Variants in MOB1B observed in about 807,000 individuals in gnomAD.
MOB1B encodes MOB1 Mps One Binder homolog B.
In MOB1B, 19 loss-of-function variants were observed where a neutral mutation model predicts 24.4. The ratio of observed to expected loss-of-function variants is 0.78; its 90% confidence interval spans 0.54 to 1.14. MOB1B has a LOEUF of 1.14. MOB1B is among the 50% of genes most tolerant of loss of function. The pLI is 0.00. For missense variants in MOB1B, 243 were observed against 259.6 expected (o/e 0.94, Z 0.44); for synonymous variants, 76 against 82.1 (o/e 0.93, Z 0.40).
intron 4 of MOB1B, chr4:70,975,829 A>G (rs561741904): frequency 2.8e-5 from 25 of 895,926 alleles, no homozygotes; most frequent in South Asian, 1.0e-4. Flanking sequence ...CAGGTGTTCT[A>G]TGTTTTTCAT....
At chr4:70,901,871 G>A (rs1478374871), upstream of MOB1B, among the ~76,000 whole-genome samples, 1 of 152,134 alleles carries the variant, frequency 6.6e-6, no homozygotes, top group African/African-American at 2.4e-5. Context: ...ATGCTTACAA[G>A]CTTTGGCCCC....
chr4:70,964,491 A>G (rs140793715), intron 2 of MOB1B, among the ~76,000 whole-genome samples: 1 of 152,362 alleles, frequency 6.6e-6, no homozygotes, highest in East Asian at 1.9e-4. Flanking sequence ...CTTGTGGGAT[A>G]TATTATAGCT....
In MOB1B at chr4:70,960,635, GTTA is replaced by G. The variant is rs553541922; in HGVS notation, c.181+1603_181+1605del. 1.5e-4 allele frequency among the ~76,000 whole-genome samples: 23 copies of G among 152,254 alleles called. No individual in the cohort carries two copies. In the South Asian group the frequency reaches 4.6e-3, roughly 30 times the overall value. On this transcript the variant is annotated intron_variant, in intron 2 of 5. Transcript: ENST00000309395. The stretch of plus-strand genomic sequence containing the variant: ...ATGACAGCATTTACACAAGAGCCAT[GTTA>G]TTATTATGTGATTATCCTCCTGGAC...
chr4:70,903,988 T>TTC, intron 1 of MOB1B, among the ~76,000 whole-genome samples: 1 of 133,992 alleles, frequency 7.5e-6, no homozygotes, highest in African/African-American at 2.8e-5. Context: ...TTTTTTTTTT[T>TTC]TTTTTTTTTT....
intron 1 of MOB1B, among the ~76,000 whole-genome samples, chr4:70,909,828 G>A (rs1406553438): frequency 1.3e-5 from 2 of 151,974 alleles, no homozygotes; most frequent in Non-Finnish European, 2.9e-5. Flanking sequence ...ATGGGTTCAA[G>A]CAGTTCTCCC....
intron 1 of MOB1B, among the ~76,000 whole-genome samples, chr4:70,930,211 G>C (rs1578361670): frequency 6.6e-6 from 1 of 151,488 alleles, no homozygotes; most frequent in South Asian, 2.1e-4. Context: ...TTGTTTCTTA[G>C]TTTTTTTTTG....
chr4:70,979,220 G>C lies in MOB1B; in HGVS notation c.502G>C (p.Asp168His). Reference sequence around the variant, plus strand: ...TGCTCACATTTATCATCAGCATTTTGACCCTGTGATCCAGCTTCAGGAGGA... The same window carrying C: ...TGCTCACATTTATCATCAGCATTTTCACCCTGTGATCCAGCTTCAGGAGGA... ...VYAHIYHQHF[D>H]PVIQLQEEAH... is the part of the protein sequence containing the mutation. Residue 168 changes from aspartate to histidine, a missense_variant, in exon 5 of 6, where the codon GAC becomes CAC. Coordinates refer to ENST00000309395, the MANE Select transcript of MOB1B (RefSeq NM_173468.4). The C allele has an allele frequency of 1.2e-6, 2 of 1,613,596 alleles. No homozygotes were observed. The highest frequency in any genetic ancestry group is 1.7e-6 in the Non-Finnish European group (2 of 1,179,710).
intron 1 of MOB1B, among the ~76,000 whole-genome samples, chr4:70,907,872 C>G (rs1445306304): frequency 6.6e-6 from 1 of 152,100 alleles, no homozygotes; most frequent in Non-Finnish European, 1.5e-5. Context: ...CCTCAAACTT[C>G]TAGGCTCAAG....
In MOB1B at chr4:70,919,839, G is replaced by A. The variant is rs572875588; in HGVS notation, c.14+17289G>A. On this transcript the variant is annotated intron_variant, in intron 1 of 5. Transcript: ENST00000309395. Reference sequence around the variant, plus strand: ...GTAGTCTTAATTGCATGTTATAATGGCAACTCTTAGAAATTTTAATTTTGA... The same window carrying A: ...GTAGTCTTAATTGCATGTTATAATGACAACTCTTAGAAATTTTAATTTTGA... 6.6e-5 allele frequency among the ~76,000 whole-genome samples: 10 copies of A among 152,192 alleles called. No individual in the cohort carries two copies. In the South Asian group the frequency reaches 1.2e-3, roughly 19 times the overall value.
At chr4:70,970,581 G>A (rs1738714612) in intron 3 of MOB1B, among the ~76,000 whole-genome samples, 1 of 152,198 alleles carries the variant, frequency 6.6e-6, no homozygotes, top group South Asian at 2.1e-4. Context: ...CCCAAAAAAT[G>A]TGGGTTGAAT....
chr4:70,954,754 G>A (rs371943753), intron 1 of MOB1B, among the ~76,000 whole-genome samples: 26 of 123,202 alleles, frequency 2.1e-4, no homozygotes, highest in African/African-American at 7.5e-4. Context: ...GTGCCTGGCC[G>A]ATTTTCTTTT....
At chr4:70,910,477 A>T (rs60549272) in intron 1 of MOB1B, among the ~76,000 whole-genome samples, 5,789 of 151,536 alleles carry the variant, frequency 0.038, 210 homozygotes, top group East Asian at 0.15. Context: ...CTATATATAT[A>T]TTTTTTTCTT....
chr4:70,910,447 A>T (rs1735935521), intron 1 of MOB1B, among the ~76,000 whole-genome samples: 1 of 151,704 alleles, frequency 6.6e-6, no homozygotes. Flanking sequence ...ATATGTATGT[A>T]TATATGTGTG....
Position 70,923,672 on chromosome 4 carries a change from G to A in MOB1B, c.14+21122G>A, listed in dbSNP as rs968387046. Among the ~76,000 whole-genome samples the A allele has an allele frequency of 1.1e-4, 16 of 151,994 alleles. No homozygotes were observed. In the East Asian group the frequency reaches 2.5e-3, roughly 24 times the overall value. On this transcript the variant is annotated intron_variant, in intron 1 of 5. Transcript: ENST00000309395. ...TGTAGAAATAGGTAACAGTAGGGCCGGGTGCGGTGGCTCAAGCCTGTAATC... is the reference window on the plus strand; with the variant it reads ...TGTAGAAATAGGTAACAGTAGGGCCAGGTGCGGTGGCTCAAGCCTGTAATC...
intron 1 of MOB1B, among the ~76,000 whole-genome samples, chr4:70,914,311 G>A (rs1203236992): frequency 6.6e-6 from 1 of 152,184 alleles, no homozygotes; most frequent in African/African-American, 2.4e-5. Flanking sequence ...GTGGATATAA[G>A]GATTCCCATG....
At chr4:70,911,148 A>G (rs1226769684) in intron 1 of MOB1B, among the ~76,000 whole-genome samples, 2 of 152,014 alleles carry the variant, frequency 1.3e-5, no homozygotes, top group Non-Finnish European at 2.9e-5. Context: ...ATACAAATGG[A>G]TTTCCACCGT....
At chr4:70,905,361 C>A (rs1420456300) in intron 1 of MOB1B, among the ~76,000 whole-genome samples, 1 of 151,950 alleles carries the variant, frequency 6.6e-6, no homozygotes, top group Admixed American at 6.6e-5. Flanking sequence ...ATCTCAAACC[C>A]CCTCCCCGCT....
chr4:70,909,346 A>G (rs1278845025), intron 1 of MOB1B, among the ~76,000 whole-genome samples: 3 of 152,074 alleles, frequency 2.0e-5, no homozygotes, highest in Non-Finnish European at 4.4e-5. Flanking sequence ...AATAATTTAT[A>G]AGAATAATCA....
At chr4:70,910,788 CT>C (rs992292452) in intron 1 of MOB1B, among the ~76,000 whole-genome samples, 54 of 145,328 alleles carry the variant, frequency 3.7e-4, no homozygotes, top group Middle Eastern at 3.6e-3. Flanking sequence ...AGTTCTGAAT[CT>C]TTTTTTTTTT....
Sources: gnomAD v4.1 joint callset for allele counts (sites outside exome capture counted in the v4.1 genomes callset) on GRCh38, gnomAD v4.1.1 for gene constraint, MANE v1.5 for transcripts, NCBI Gene and HGNC (gene_info 2026-07-23, HGNC 2026-07-21) for gene names.